Variants in ZNF804A observed in about 807,000 individuals in gnomAD.
ZNF804A encodes the protein zinc finger protein 804A.
A neutral mutation model predicts 16.5 loss-of-function variants in ZNF804A; 2 were observed. That is an observed-to-expected ratio of 0.12 (90% CI 0.05 to 0.38). The LOEUF (loss-of-function observed/expected upper bound fraction) is 0.38. Among genes scored for constraint, ZNF804A ranks in the 10% least tolerant of loss-of-function variants. ZNF804A has a pLI of 0.99. For missense variants in ZNF804A, 1,473 were observed against 1,390.7 expected (o/e 1.06, Z -0.94); for synonymous variants, 534 against 489.6 (o/e 1.09, Z -1.20).
chr2:184,815,428 A>G (rs933924957), intron 1 of ZNF804A, among the ~76,000 whole-genome samples: 4 of 151,888 alleles, frequency 2.6e-5, no homozygotes, highest in African/African-American at 9.7e-5. Flanking sequence ...TGCTATGTTC[A>G]TAATTCTGTG....
rs188326600 is a variant in ZNF804A, at chr2:184,878,478, G to A, written c.255+11966G>A. ...GAATCAGGTATTTTATATAGAAAGC[G>A]TAAGGATTTTGGTTGTCAAAAGGAC... On this transcript the variant is annotated intron_variant, in intron 2 of 3. Transcript: ENST00000302277. 2.4e-3 allele frequency among the ~76,000 whole-genome samples: 371 copies of A among 152,114 alleles called. 1 individual carries two copies. The highest frequency in any genetic ancestry group is 7.3e-3 in the African/African-American group (304 of 41,534).
intron 1 of ZNF804A, among the ~76,000 whole-genome samples, chr2:184,738,240 G>A (rs973820451): frequency 2.0e-5 from 3 of 151,524 alleles, no homozygotes; most frequent in African/African-American, 7.3e-5. Context: ...CTGAAAAATA[G>A]ATAAAATCAG....
chr2:184,904,599 G>A (rs1685240615), intron 2 of ZNF804A, among the ~76,000 whole-genome samples: 1 of 151,984 alleles, frequency 6.6e-6, no homozygotes, highest in African/African-American at 2.4e-5. Context: ...AACTTAGGAG[G>A]AGTTCAAATC....
chr2:184,901,196 A>G (rs933634991), intron 2 of ZNF804A, among the ~76,000 whole-genome samples: 1 of 152,120 alleles, frequency 6.6e-6, no homozygotes, highest in African/African-American at 2.4e-5. Flanking sequence ...CATAACTTGT[A>G]TGTGTTTGCC....
At chr2:184,635,628 A>G (rs1414654132) in intron 1 of ZNF804A, among the ~76,000 whole-genome samples, 1 of 152,164 alleles carries the variant, frequency 6.6e-6, no homozygotes, top group Non-Finnish European at 1.5e-5. Context: ...GTATCATATT[A>G]GTTTTTGAAA....
chr2:184,766,245 T>A (rs1176041155), intron 1 of ZNF804A, among the ~76,000 whole-genome samples: 1 of 152,122 alleles, frequency 6.6e-6, no homozygotes, highest in Non-Finnish European at 1.5e-5. Flanking sequence ...TCAAAATTAT[T>A]GTTTGGTGAT....
intron 1 of ZNF804A, among the ~76,000 whole-genome samples, chr2:184,736,083 A>G (rs1693601851): frequency 6.6e-6 from 1 of 152,162 alleles, no homozygotes; most frequent in African/African-American, 2.4e-5. Flanking sequence ...TAGTCTTTCC[A>G]TTTTGATGTT....
chr2:184,840,101 G>T (rs569971662), intron 1 of ZNF804A, among the ~76,000 whole-genome samples: 3 of 152,194 alleles, frequency 2.0e-5, no homozygotes, highest in African/African-American at 7.2e-5. Flanking sequence ...GCTTCACCTA[G>T]GCTCATGGCC....
chr2:184,829,942 A>C (rs1205912101), intron 1 of ZNF804A, among the ~76,000 whole-genome samples: 4 of 138,828 alleles, frequency 2.9e-5, no homozygotes, highest in Non-Finnish European at 6.3e-5. Flanking sequence ...AAAAAAAAAA[A>C]CCACACACAC....
chr2:184,725,780 C>A (rs1008365139), intron 1 of ZNF804A, among the ~76,000 whole-genome samples: 5 of 151,448 alleles, frequency 3.3e-5, no homozygotes, highest in African/African-American at 1.2e-4. Flanking sequence ...CCTTTATCCC[C>A]TTTATAGTCA....
rs144871451 is a variant in ZNF804A at position 184,735,397 on chromosome 2, A to G, written c.112-130972A>G. Among the ~76,000 whole-genome samples, 566 of 152,224 alleles carry G rather than the reference A, an allele frequency of 3.7e-3. 3 individuals are homozygous for G. The highest frequency in any genetic ancestry group is 0.013 in the African/African-American group (543 of 41,526). On this transcript the variant is annotated intron_variant, in intron 1 of 3. Coordinates refer to ENST00000302277, the MANE Select transcript of ZNF804A (RefSeq NM_194250.2). Reference sequence around the variant, plus strand: ...CATAAGTGGGAGTTGAACAATGAGAACACATGGACACAGGGAGGGGAACAT... The same window carrying G: ...CATAAGTGGGAGTTGAACAATGAGAGCACATGGACACAGGGAGGGGAACAT...
chr2:184,763,875 C>T (rs1338469941), intron 1 of ZNF804A, among the ~76,000 whole-genome samples: 2 of 151,858 alleles, frequency 1.3e-5, no homozygotes, highest in Non-Finnish European at 2.9e-5. Flanking sequence ...ATCTCCTGAC[C>T]TTGTGATCTG....
At chr2:184,673,344 G>T (rs752167804) in intron 1 of ZNF804A, among the ~76,000 whole-genome samples, 1 of 152,124 alleles carries the variant, frequency 6.6e-6, no homozygotes, top group Non-Finnish European at 1.5e-5. Flanking sequence ...AACCTCCATA[G>T]TATCCATATA....
chr2:184,866,437 A>G lies in ZNF804A; in HGVS notation c.180A>G (p.Glu60=), dbSNP rs779793564. ...LEDLKANFYC[E]LCDKQYYKHQ... is the part of the protein sequence containing the mutation. ...ATCTGAAGGCAAATTTTTACTGTGA[A>G]CTCTGTGACAAGCAGTACTATAAGC... The change falls in exon 2 of 4, where the codon GAA becomes GAG. Residue 60 remains glutamate (E), a synonymous_variant. Transcript: ENST00000302277. The G allele has an allele frequency of 6.2e-7, 1 of 1,613,190 alleles. No individual in the cohort carries two copies. The highest frequency in any genetic ancestry group is 8.5e-7 in the Non-Finnish European group (1 of 1,179,544).
At chr2:184,753,116 A>T (rs950231179) in intron 1 of ZNF804A, among the ~76,000 whole-genome samples, 1 of 151,710 alleles carries the variant, frequency 6.6e-6, no homozygotes, top group Admixed American at 6.6e-5. Context: ...CTCTTGGCCC[A>T]GGAGATGACC....
At chr2:184,609,741 G>A (rs1290235083) in intron 1 of ZNF804A, among the ~76,000 whole-genome samples, 2 of 152,236 alleles carry the variant, frequency 1.3e-5, no homozygotes, top group Admixed American at 1.3e-4. Flanking sequence ...CCACCCTCGT[G>A]ACCCGATTAT....
At chr2:184,900,011 T>G (rs1420797809) in intron 2 of ZNF804A, among the ~76,000 whole-genome samples, 3 of 152,106 alleles carry the variant, frequency 2.0e-5, no homozygotes, top group African/African-American at 7.2e-5. Context: ...TTGAGTAATT[T>G]AAGAAACTTT....
chr2:184,863,232 A>G (rs1339410416), intron 1 of ZNF804A, among the ~76,000 whole-genome samples: 1 of 152,112 alleles, frequency 6.6e-6, no homozygotes, highest in Non-Finnish European at 1.5e-5. Context: ...TATGGAGTGA[A>G]CATTTGCTCA....
At chr2:184,764,263 T>C (rs1694084403) in intron 1 of ZNF804A, among the ~76,000 whole-genome samples, 1 of 152,124 alleles carries the variant, frequency 6.6e-6, no homozygotes, top group African/African-American at 2.4e-5. Context: ...CATGAAGCCA[T>C]CTTTATGTGG....
Sources: gnomAD v4.1 joint callset for allele counts (sites outside exome capture counted in the v4.1 genomes callset) on GRCh38, gnomAD v4.1.1 for gene constraint, MANE v1.5 for transcripts, NCBI Gene and HGNC (gene_info 2026-07-23, HGNC 2026-07-21) for gene names.